ST18: variants seen among roughly 807,000 people sequenced by gnomAD.
ST18 encodes the protein suppression of tumorigenicity 18 protein.
ST18 carries 50 observed loss-of-function variants against 110.0 expected under a neutral mutation model. The ratio of observed to expected loss-of-function variants is 0.45; its 90% CI spans 0.36 to 0.58. The LOEUF is 0.58. ST18 is among the 20% of genes least tolerant of loss of function. The pLI is 0.00. For synonymous variants in ST18, 461 were observed against 452.4 expected, an observed-to-expected ratio of 1.02 and a Z score of -0.24; for missense variants, 1,306 against 1,280.1, an observed-to-expected ratio of 1.02 and a Z score of -0.31.
In ST18 at chr8:52,116,361, G is replaced by A; in HGVS notation, c.2917C>T (p.Gln973Ter). 1.2e-6 allele frequency: 2 copies of A among 1,613,918 alleles called. No homozygotes were observed. The highest frequency in any genetic ancestry group is 1.7e-6 in the Non-Finnish European group (2 of 1,179,910). Residue 973 changes from glutamine to a stop codon, truncating the protein, a stop_gained, in exon 25 of 26, where the codon CAG becomes TAG. Transcript: ENST00000689386. LOFTEE classifies it high-confidence loss of function. ...TIEEENKLIEQNNESLLKELA... is the reference protein window; with the variant it reads ...TIEEENKLIE ...TCTTTCAGCAGACTTTCATTGTTCT[G>A]TTCTATGAGTTTGTTCTCCTCCTCT...
At chr8:52,388,232 C>G (rs1368458500) in intron 2 of ST18, among the ~76,000 whole-genome samples, 2 of 152,084 alleles carry the variant, frequency 1.3e-5, no homozygotes, top group African/African-American at 4.8e-5. Flanking sequence ...GAGATGTGCA[C>G]CCGGCTGAGC....
intron 15 of ST18, among the ~76,000 whole-genome samples, chr8:52,150,258 A>ATGTG (rs10593387): frequency 2.1e-4 from 31 of 149,862 alleles, no homozygotes; most frequent in Non-Finnish European, 3.3e-4. Flanking sequence ...TTTTATGAAA[A>ATGTG]TGTGTGTGTG....
At chr8:52,202,633 T>C (rs918419690) in intron 8 of ST18, among the ~76,000 whole-genome samples, 1 of 152,206 alleles carries the variant, frequency 6.6e-6, no homozygotes, top group African/African-American at 2.4e-5. Context: ...TGGGAGGTCA[T>C]GGGGACACTT....
chr8:52,142,089 A>T (rs1367672668), intron 17 of ST18, among the ~76,000 whole-genome samples: 1 of 152,158 alleles, frequency 6.6e-6, no homozygotes, highest in Admixed American at 6.5e-5. Context: ...GTCAAGTAGG[A>T]ACAGGAGGCT....
intron 2 of ST18, among the ~76,000 whole-genome samples, chr8:52,332,757 G>A (rs548188622): frequency 4.3e-4 from 65 of 151,872 alleles, no homozygotes; most frequent in African/African-American, 1.5e-3. Flanking sequence ...AGGCTGAGGC[G>A]GGAGAATCGC....
chr8:52,284,129 G>C (rs2095430931), intron 2 of ST18, among the ~76,000 whole-genome samples: 1 of 152,182 alleles, frequency 6.6e-6, no homozygotes, highest in African/African-American at 2.4e-5. Flanking sequence ...GTGAGAGGCA[G>C]AGCCAAAGTG....
chr8:52,311,954 A>G (rs2139731345), intron 2 of ST18, among the ~76,000 whole-genome samples: 1 of 152,344 alleles, frequency 6.6e-6, no homozygotes, highest in East Asian at 1.9e-4. Flanking sequence ...GAGTGGGTAA[A>G]AAACAAACTT....
chr8:52,353,615 T>C (rs1424212749), intron 2 of ST18, among the ~76,000 whole-genome samples: 1 of 152,176 alleles, frequency 6.6e-6, no homozygotes, highest in South Asian at 2.1e-4. Flanking sequence ...TGTATTATTA[T>C]GAAAATAAGA....
intron 3 of ST18, among the ~76,000 whole-genome samples, chr8:52,229,417 G>A (rs578120227): frequency 6.6e-6 from 1 of 152,270 alleles, no homozygotes; most frequent in South Asian, 2.1e-4. Flanking sequence ...GCTGTCATAG[G>A]ACTGAGGTCC....
chr8:52,206,311 C>T (rs560154800), intron 8 of ST18: 1 of 152,358 alleles, frequency 6.6e-6, no homozygotes, highest in Non-Finnish European at 1.5e-5. Context: ...GTGCTAAATG[C>T]TAGAATAGGC....
At chr8:52,405,134 A>G (rs542509839) in intron 2 of ST18, 1 of 152,358 alleles carries the variant, frequency 6.6e-6, no homozygotes, top group South Asian at 2.1e-4. Context: ...TGTACAGTGA[A>G]AGACTGATTC....
chr8:52,223,608 C>T (rs775160937), intron 3 of ST18, among the ~76,000 whole-genome samples: 2 of 150,092 alleles, frequency 1.3e-5, no homozygotes, highest in Non-Finnish European at 3.0e-5. Flanking sequence ...CACACTGCTA[C>T]ACTCCAGCCT....
chr8:52,197,751 G>T (rs2076626876), intron 8 of ST18, among the ~76,000 whole-genome samples: 1 of 151,904 alleles, frequency 6.6e-6, no homozygotes, highest in African/African-American at 2.4e-5. Context: ...AGGGAAAGAA[G>T]TGTGCACATG....
intron 2 of ST18, among the ~76,000 whole-genome samples, chr8:52,291,419 C>T (rs998144960): frequency 6.6e-6 from 1 of 152,212 alleles, no homozygotes; most frequent in African/African-American, 2.4e-5. Context: ...GACCTACCAC[C>T]ACCTTTAGTT....
intron 3 of ST18, among the ~76,000 whole-genome samples, chr8:52,228,229 A>G (rs1043192218): frequency 6.6e-6 from 1 of 152,218 alleles, no homozygotes; most frequent in Non-Finnish European, 1.5e-5. Flanking sequence ...TCTCATTTAC[A>G]TGAAAAGTTA....
chr8:52,167,608 C>T (rs2063450879), intron 10 of ST18, among the ~76,000 whole-genome samples: 1 of 152,204 alleles, frequency 6.6e-6, no homozygotes, highest in East Asian at 1.9e-4. Context: ...CACTTGGGTT[C>T]AGCATGCAGT....
intron 2 of ST18, among the ~76,000 whole-genome samples, chr8:52,268,468 C>CATCTATCT (rs55683613): frequency 0.073 from 10,839 of 148,618 alleles, 398 homozygotes; most frequent in East Asian, 0.1. Flanking sequence ...ATCTATCTAT[C>CATCTATCT]ATCTATCTAT....
chr8:52,135,691 T>C (rs1255755509), intron 19 of ST18, among the ~76,000 whole-genome samples: 1 of 152,034 alleles, frequency 6.6e-6, no homozygotes, highest in African/African-American at 2.4e-5. Context: ...TTCATATCTG[T>C]CCATTATCAC....
At position 52,212,088 on chromosome 8, in the gene ST18, T is replaced by C; in HGVS notation, c.77A>G (p.Gln26Arg). 6.2e-7 allele frequency: 1 copy of C among 1,605,562 alleles called. No individual in the cohort carries two copies. Among genetic ancestry groups the C allele is most frequent in the Non-Finnish European group, 8.5e-7 (1 of 1,178,214 alleles). Residue 26 changes from glutamine (Q) to arginine (R), a missense_variant, in exon 8 of 26, where the codon CAG becomes CGG. Transcript: ENST00000689386. ...ATAGGGTAAATCTTACCTGAGCTCC[T>C]GGATTAGTGAATCCATTGGCACTGT... ...GTEVPMDSLI[Q>R]ELSVAYDCSM...
Sources: allele counts gnomAD v4.1 joint callset (sites outside exome capture counted in the v4.1 genomes callset), GRCh38; gene constraint gnomAD v4.1.1; transcripts MANE v1.5; gene names NCBI Gene and HGNC (gene_info 2026-07-23, HGNC 2026-07-21).